The following BCAT1 variants were observed in gnomAD, a reference collection of about 807,000 sequenced individuals.
BCAT1 encodes branched chain amino acid transaminase 1.
A neutral mutation model predicts 52.4 loss-of-function variants in BCAT1; 48 were observed. That is an observed-to-expected ratio of 0.92 (90% CI 0.73 to 1.16). The LOEUF is 1.16. BCAT1 is among the 50% of genes most tolerant of loss of function. BCAT1 has a pLI of 0.00. For missense variants in BCAT1, 451 were observed against 457.1 expected, an observed-to-expected ratio of 0.99 and a Z score of 0.12; for synonymous variants, 167 against 161.3, an observed-to-expected ratio of 1.04 and a Z score of -0.27.
At chr12:24,826,968 A>G (rs1018592907) in intron 10 of BCAT1, among the ~76,000 whole-genome samples, 2 of 152,006 alleles carry the variant, frequency 1.3e-5, no homozygotes, top group African/African-American at 4.8e-5. Flanking sequence ...AATTCTACTG[A>G]TTTTTATATG....
intron 2 of BCAT1, among the ~76,000 whole-genome samples, chr12:24,896,525 T>C (rs543191867): frequency 5.3e-5 from 8 of 152,260 alleles, no homozygotes; most frequent in Admixed American, 3.3e-4. Flanking sequence ...TCCCAACACT[T>C]TGGGAGGCCG....
chr12:24,939,555 G>A (rs1431693664), intron 1 of BCAT1, among the ~76,000 whole-genome samples: 6 of 152,180 alleles, frequency 3.9e-5, no homozygotes, highest in Non-Finnish European at 8.8e-5. Flanking sequence ...TTGCTTAAAT[G>A]GCCGGGTGCA....
intron 1 of BCAT1, chr12:24,902,615 A>C: frequency 2.3e-6 from 1 of 440,692 alleles, no homozygotes; most frequent in Non-Finnish European, 3.8e-6. Context: ...CTGGCAGCCC[A>C]GAGATTCAGC....
At chr12:24,830,359 A>C (rs1940607739) in intron 9 of BCAT1, 1 of 152,584 alleles carries the variant, frequency 6.6e-6, no homozygotes, top group Admixed American at 6.5e-5. Context: ...CATAAATTAA[A>C]GCAAGTCTAT....
intron 5 of BCAT1, among the ~76,000 whole-genome samples, chr12:24,853,199 G>A (rs139467885): frequency 6.6e-6 from 1 of 152,270 alleles, no homozygotes; most frequent in East Asian, 1.9e-4. Flanking sequence ...AATCAACCCA[G>A]GTGACCATCA....
At chr12:24,861,129 T>C (rs987586965) in intron 5 of BCAT1, among the ~76,000 whole-genome samples, 2 of 152,238 alleles carry the variant, frequency 1.3e-5, no homozygotes, top group African/African-American at 4.8e-5. Flanking sequence ...TATTCAACTC[T>C]AGTCCCATTC....
At chr12:24,949,154 G>C (rs1050160978), upstream of BCAT1, 9 of 583,730 alleles carry the variant, frequency 1.5e-5, no homozygotes, top group Non-Finnish European at 2.7e-5. Context: ...GCATCAGCAG[G>C]AAGACACTAA....
intron 9 of BCAT1, among the ~76,000 whole-genome samples, chr12:24,831,037 A>C (rs1460585101): frequency 6.6e-6 from 1 of 152,198 alleles, no homozygotes; most frequent in Admixed American, 6.5e-5. Context: ...TTTGAACTAC[A>C]CAAGTTCACT....
rs2139274032 is a variant in BCAT1 at position 24,810,834 on chromosome 12, A to G, written c.*7174T>C. ...ATACAAAATGTGTGACCCTTGGGTA[A>G]TTCTGCACTTGGCTTTGTTCTCCCT... On this transcript the variant is annotated 3_prime_UTR_variant, in exon 11 of 11. Transcript: ENST00000261192. 1 of 152,328 alleles carries G rather than the reference A, an allele frequency of 6.6e-6. No homozygotes were observed. The highest frequency in any genetic ancestry group is 6.5e-5 in the Admixed American group (1 of 15,292). The allele number at this position is 152,328 out of a possible 1,614,324, so 9.4% of individuals were successfully genotyped here. A position where few individuals can be genotyped will look rare whatever the true frequency, so the allele number is the denominator to read the frequency against.
intron 6 of BCAT1, 47 bp downstream of exon 6, chr12:24,849,738 TG>T: frequency 6.5e-7 from 1 of 1,540,526 alleles, no homozygotes; most frequent in Non-Finnish European, 8.8e-7. Context: ...ACTAACTAAA[TG>T]GTCATGAAGG....
chr12:24,918,232 A>G (rs1399952711), intron 1 of BCAT1, among the ~76,000 whole-genome samples: 1 of 152,206 alleles, frequency 6.6e-6, no homozygotes, highest in Non-Finnish European at 1.5e-5. Flanking sequence ...CAGCAGGTAT[A>G]TATCCAGCAA....
In BCAT1 at chr12:24,849,913, G is replaced by T; in HGVS notation, c.547C>A (p.Leu183Ile). The change falls in exon 6 of 11, where the codon CTC becomes ATC. Residue 183 changes from leucine to isoleucine, a missense_variant. Leu to Ile is a conservative substitution (Grantham distance 5). Coordinates refer to ENST00000261192, the MANE Select transcript of BCAT1 (RefSeq NM_005504.7). The part of the protein sequence containing the change: ...LGVKKPTKAL[L>I]FVLLSPVGPY... The stretch of plus-strand genomic sequence containing the variant: ...CCCACTGGGCTCAAGAGTACAAAGA[G>T]CAGGGCTTTGGTAGGCTTCTTGACT... 1 of 1,612,882 alleles carries T rather than the reference G, an allele frequency of 6.2e-7. No homozygotes were observed. The highest frequency in any genetic ancestry group is 8.5e-7 in the Non-Finnish European group (1 of 1,179,138).
chr12:24,934,109 G>A lies in BCAT1; in HGVS notation c.6+14818C>T, dbSNP rs541577219. 1.5e-4 allele frequency among the ~76,000 whole-genome samples: 23 copies of A among 152,280 alleles called. No homozygotes were observed. In the South Asian group the frequency reaches 1.9e-3, roughly 12 times the overall value. On this transcript the variant is annotated intron_variant, in intron 1 of 10. Coordinates refer to ENST00000261192, the MANE Select transcript of BCAT1 (RefSeq NM_005504.7). Reference sequence around the variant, plus strand: ...GCTCCCAGCTTGCTTGTCTATGTGTGGGGCTGCTTTTCATTTAAAAGAAAA... The same window carrying A: ...GCTCCCAGCTTGCTTGTCTATGTGTAGGGCTGCTTTTCATTTAAAAGAAAA...
At chr12:24,922,424 A>G (rs994204798) in intron 1 of BCAT1, among the ~76,000 whole-genome samples, 9 of 152,186 alleles carry the variant, frequency 5.9e-5, no homozygotes, top group Admixed American at 1.3e-4. Flanking sequence ...TTTCACACAT[A>G]TTTCACCATA....
chr12:24,856,450 C>T (rs1941685273), intron 5 of BCAT1, among the ~76,000 whole-genome samples: 2 of 152,226 alleles, frequency 1.3e-5, no homozygotes, highest in East Asian at 1.9e-4. Context: ...ATTTGGACAT[C>T]GGGCCTTTAA....
intron 3 of BCAT1, among the ~76,000 whole-genome samples, chr12:24,882,339 G>A (rs779379005): frequency 7.9e-5 from 12 of 151,988 alleles, no homozygotes; most frequent in African/African-American, 2.7e-4. Flanking sequence ...TAAACTGAAC[G>A]ATAATGAAAA....
intron 2 of BCAT1, among the ~76,000 whole-genome samples, chr12:24,898,808 G>A (rs531396550): frequency 5.5e-4 from 84 of 152,128 alleles, no homozygotes; most frequent in African/African-American, 1.9e-3. Context: ...GAGTCACCAT[G>A]CCAGGCCTGT....
At chr12:24,925,939 A>C (rs559389948) in intron 1 of BCAT1, among the ~76,000 whole-genome samples, 1 of 152,256 alleles carries the variant, frequency 6.6e-6, no homozygotes, top group Non-Finnish European at 1.5e-5. Context: ...TCGGCTCGCT[A>C]CAACCTCCAC....
chr12:24,902,997 T>TGCGGGGAC (rs1565492421), intron 1 of BCAT1: 1 of 1,462,616 alleles, frequency 6.8e-7, no homozygotes, highest in South Asian at 1.3e-5. Context: ...ATGGGGAGGC[T>TGCGGGGAC]GCGGGGACGC....
Sources: allele counts gnomAD v4.1 joint callset (sites outside exome capture counted in the v4.1 genomes callset), GRCh38; gene constraint gnomAD v4.1.1; transcripts MANE v1.5; gene names NCBI Gene and HGNC (gene_info 2026-07-23, HGNC 2026-07-21).